The following HMCN1 variants were observed in gnomAD, a reference collection of about 807,000 sequenced individuals.
The protein encoded by HMCN1 is hemicentin-1.
A neutral mutation model predicts 625.9 loss-of-function variants in HMCN1; 321 were observed. The ratio of observed to expected loss-of-function variants is 0.51; its 90% CI spans 0.47 to 0.56. The LOEUF is 0.56. Among genes scored for constraint, HMCN1 ranks in the 20% least tolerant of loss-of-function variants. HMCN1 has a pLI of 0.00. For synonymous variants in HMCN1, 2,425 were observed against 2,417.6 expected (o/e 1.00, Z -0.09); for missense variants, 6,588 against 6,887.3 (o/e 0.96, Z 1.54).
At chr1:186,151,560 G>A in intron 94 of HMCN1, 46 bp from the exon 95 acceptor site, 2 of 1,565,796 alleles carry the variant, frequency 1.3e-6, no homozygotes, top group Admixed American at 1.7e-5. Flanking sequence ...CAATAAAATA[G>A]ACTAAAAATT....
chr1:185,763,842 G>A (rs1413867279), intron 1 of HMCN1, among the ~76,000 whole-genome samples: 1 of 152,102 alleles, frequency 6.6e-6, no homozygotes, highest in African/African-American at 2.4e-5. Context: ...TAAGTTTTAT[G>A]TGCTATAACA....
intron 80 of HMCN1, 70 bp from the exon 81 acceptor site, chr1:186,122,881 T>C (rs1292850801): frequency 2.1e-5 from 31 of 1,466,418 alleles, no homozygotes; most frequent in Non-Finnish European, 2.6e-5. Flanking sequence ...AGAGCAGTAC[T>C]GTAGTATGTA....
intron 44 of HMCN1, 66 bp downstream of exon 44, chr1:186,054,052 C>G: frequency 6.8e-7 from 1 of 1,462,668 alleles, no homozygotes; most frequent in Non-Finnish European, 9.5e-7. Context: ...TTCTCATTTA[C>G]TTTTAAAAAT....
rs772870394 is a variant in HMCN1 at position 186,087,346 on chromosome 1, C to T, written c.9160+16C>T. 4 of 1,603,786 alleles carry T rather than the reference C, an allele frequency of 2.5e-6. No homozygotes were observed. The highest frequency in any genetic ancestry group is 2.2e-5 in the East Asian group (1 of 44,768). ...ACTGTTTATGGTTCGTTTTTACTCT[C>T]TTCATAAAATTCTTTTATTTTAAAA... On this transcript the variant is annotated intron_variant, in intron 59 of 106. Transcript: ENST00000271588.
chr1:185,995,067 A>T lies in HMCN1; in HGVS notation c.3758A>T (p.Glu1253Val). 6.2e-7 allele frequency: 1 copy of T among 1,613,744 alleles called. No individual in the cohort carries two copies. Among genetic ancestry groups the T allele is most frequent in the Non-Finnish European group, 8.5e-7 (1 of 1,179,732 alleles). The change falls in exon 24 of 107, where the codon GAG becomes GTG. Residue 1253 changes from glutamate (E) to valine (V), a missense_variant. Coordinates refer to ENST00000271588, the MANE Select transcript of HMCN1 (RefSeq NM_031935.3). ...AACATAGCAGGCACTGATGAAACAG[A>T]GATAACGCTACATGTCCAAGGTGAT... ...ATNIAGTDET[E>V]ITLHVQEPPT...
At chr1:185,847,123 T>C (rs1661869138) in intron 2 of HMCN1, among the ~76,000 whole-genome samples, 1 of 144,934 alleles carries the variant, frequency 6.9e-6, no homozygotes. Flanking sequence ...TCTTCTAATC[T>C]AGCTTAGAGT....
At chr1:186,082,526 C>T (rs945692517) in intron 56 of HMCN1, among the ~76,000 whole-genome samples, 6 of 152,156 alleles carry the variant, frequency 3.9e-5, no homozygotes, top group Non-Finnish European at 8.8e-5. Flanking sequence ...TGACCAAAGC[C>T]AGTCACAAGA....
At chr1:186,181,772 CAAT>C (rs1487654913) in intron 104 of HMCN1, among the ~76,000 whole-genome samples, 3 of 151,996 alleles carry the variant, frequency 2.0e-5, no homozygotes, top group African/African-American at 7.2e-5. Context: ...CAAGTAATCT[CAAT>C]AGGAATATTG....
Position 185,734,731 on chromosome 1 carries a change from G to A in HMCN1, c.-49G>A. Reference sequence around the variant, plus strand: ...TCTGCCTGTTGTTGAGGAGGACTGAGCACAGTGCTTAGGCGCTGAGGGGGA... The same window carrying A: ...TCTGCCTGTTGTTGAGGAGGACTGAACACAGTGCTTAGGCGCTGAGGGGGA... On this transcript the variant is annotated 5_prime_UTR_variant, in exon 1 of 107. Transcript: ENST00000271588. The A allele has an allele frequency of 6.3e-7, 1 of 1,592,500 alleles. No individual in the cohort carries two copies. Among genetic ancestry groups the A allele is most frequent in the Non-Finnish European group, 8.6e-7 (1 of 1,161,992 alleles).
intron 75 of HMCN1, among the ~76,000 whole-genome samples, chr1:186,116,638 T>G (rs1440182951): frequency 6.6e-6 from 1 of 152,124 alleles, no homozygotes; most frequent in African/African-American, 2.4e-5. Flanking sequence ...CTGGAGTGTA[T>G]CTGATGCCCA....
intron 5 of HMCN1, among the ~76,000 whole-genome samples, chr1:185,909,790 C>A (rs188060805): frequency 2.9e-4 from 44 of 152,046 alleles, no homozygotes; most frequent in Admixed American, 1.6e-3. Context: ...TTAAATAAAA[C>A]CTGAAACTTT....
At chr1:186,009,989 C>A (rs1364430824) in intron 30 of HMCN1, among the ~76,000 whole-genome samples, 2 of 152,106 alleles carry the variant, frequency 1.3e-5, no homozygotes, top group East Asian at 3.9e-4. Flanking sequence ...AGAGTTCGCG[C>A]TCCTATGAGA....
At chr1:185,881,014 C>T (rs1162039215) in intron 4 of HMCN1, among the ~76,000 whole-genome samples, 1 of 152,236 alleles carries the variant, frequency 6.6e-6, no homozygotes, top group Non-Finnish European at 1.5e-5. Context: ...AGCATCCAGC[C>T]AGTGGTGTCT....
chr1:186,091,771 TTTAACA>T (rs1406789057), intron 64 of HMCN1, among the ~76,000 whole-genome samples: 1 of 152,050 alleles, frequency 6.6e-6, no homozygotes, highest in African/African-American at 2.4e-5. Flanking sequence ...TATTGTAAAC[TTTAACA>T]TTGTGGACCA....
chr1:185,882,340 A>C (rs941752400), intron 4 of HMCN1, among the ~76,000 whole-genome samples: 1 of 144,692 alleles, frequency 6.9e-6, no homozygotes, highest in Non-Finnish European at 1.5e-5. Flanking sequence ...GTGTTGTCAA[A>C]GAAATGAATG....
rs1558121860 is a variant in HMCN1, at chr1:185,989,209, G to GTTAGCCAGGA, written c.3049-278_3049-277insTAGCCAGGAT. Among the ~76,000 whole-genome samples the GTTAGCCAGGA allele has an allele frequency of 4.3e-4, 66 of 151,792 alleles. No homozygotes were observed. The East Asian group carries it at 0.012, about 27-fold the overall frequency. ...TTTTTAGTAGGGACGGGGTTTCACC[G>GTTAGCCAGGA]TGGTCTCGATCTCCTGACCTTGTGA... On this transcript the variant is annotated intron_variant, in intron 20 of 106. Transcript: ENST00000271588.
intron 1 of HMCN1, among the ~76,000 whole-genome samples, chr1:185,772,780 A>G (rs899734121): frequency 3.3e-5 from 5 of 152,074 alleles, no homozygotes; most frequent in African/African-American, 4.8e-5. Context: ...CACAGTTCTC[A>G]AGGCTGGGAA....
chr1:186,031,600 T>C (rs764435460), intron 36 of HMCN1, among the ~76,000 whole-genome samples: 2 of 152,082 alleles, frequency 1.3e-5, no homozygotes, highest in African/African-American at 2.4e-5. Context: ...AAGGCATTCT[T>C]TCTGTACCTT....
intron 26 of HMCN1, 43 bp from the exon 27 acceptor site, chr1:186,001,255 T>C (rs562478807): frequency 9.0e-6 from 14 of 1,557,784 alleles, no homozygotes; most frequent in Middle Eastern, 1.7e-4. Flanking sequence ...ATAAATAATA[T>C]TTATTATGAA....
Sources: allele counts gnomAD v4.1 joint callset (sites outside exome capture counted in the v4.1 genomes callset), GRCh38; gene constraint gnomAD v4.1.1; transcripts MANE v1.5; gene names NCBI Gene and HGNC (gene_info 2026-07-23, HGNC 2026-07-21).